The following RBFOX1 variants were observed in gnomAD, a reference collection of about 807,000 sequenced individuals.
RBFOX1 encodes the protein RNA binding protein fox-1 homolog 1.
RBFOX1 carries 8 observed loss-of-function variants against 57.7 expected under a neutral mutation model. The ratio of observed to expected loss-of-function variants is 0.14; its 90% CI spans 0.08 to 0.25. RBFOX1 has a LOEUF of 0.25. Among genes scored for constraint, RBFOX1 ranks in the 10% least tolerant of loss-of-function variants. The pLI is 1.00. For synonymous variants in RBFOX1, 326 were observed against 222.4 expected, an observed-to-expected ratio of 1.47 and a Z score of -4.15; for missense variants, 611 against 548.5, an observed-to-expected ratio of 1.11 and a Z score of -1.14.
intron 4 of RBFOX1, among the ~76,000 whole-genome samples, chr16:5,930,400 G>T (rs909392382): frequency 7.7e-6 from 1 of 129,410 alleles, no homozygotes; most frequent in Non-Finnish European, 1.6e-5. Flanking sequence ...ATGCATGGTT[G>T]GGTAGGTGGG....
intron 3 of RBFOX1, among the ~76,000 whole-genome samples, chr16:6,875,850 T>C (rs73540691): frequency 0.08 from 12,184 of 151,932 alleles, 1,645 homozygotes; most frequent in African/African-American, 0.27. Context: ...ACAAAAAAAT[T>C]AGCCAGTCAT....
chr16:5,252,088 C>T (rs2062467062), intron 1 of RBFOX1, among the ~76,000 whole-genome samples: 1 of 152,176 alleles, frequency 6.6e-6, no homozygotes, highest in Non-Finnish European at 1.5e-5. Context: ...CCTCCAAGCC[C>T]AGCTTAGACC....
At chr16:7,291,138 C>G (rs903804615) in intron 4 of RBFOX1, among the ~76,000 whole-genome samples, 4 of 152,120 alleles carry the variant, frequency 2.6e-5, no homozygotes, top group Admixed American at 1.3e-4. Flanking sequence ...TGACCAGTAT[C>G]TGGACAGAGG....
At chr16:5,311,378 C>A (rs1349273659) in intron 1 of RBFOX1, among the ~76,000 whole-genome samples, 2 of 152,184 alleles carry the variant, frequency 1.3e-5, no homozygotes, top group African/African-American at 4.8e-5. Flanking sequence ...ATGCAGGTGT[C>A]TTCTTGCTAT....
intron 4 of RBFOX1, among the ~76,000 whole-genome samples, chr16:7,322,889 T>C (rs1461076390): frequency 6.6e-6 from 1 of 152,164 alleles, no homozygotes; most frequent in African/African-American, 2.4e-5. Flanking sequence ...TGGTGTTCCC[T>C]GGTGATTAGC....
intron 2 of RBFOX1, among the ~76,000 whole-genome samples, chr16:6,333,134 G>A (rs1015344712): frequency 2.0e-5 from 3 of 151,980 alleles, no homozygotes; most frequent in Non-Finnish European, 4.4e-5. Context: ...CTGTCTCCCG[G>A]GCTCAAGCAA....
At chr16:7,564,452 A>C (rs573190364) in intron 5 of RBFOX1, among the ~76,000 whole-genome samples, 2 of 144,180 alleles carry the variant, frequency 1.4e-5, no homozygotes, top group East Asian at 2.4e-4. Flanking sequence ...GAGGCAGGGG[A>C]ATTGCTTGAT....
At chr16:7,132,353 C>A in intron 4 of RBFOX1, among the ~76,000 whole-genome samples, 1 of 151,560 alleles carries the variant, frequency 6.6e-6, no homozygotes. Flanking sequence ...TTCACTGCAG[C>A]ATTATTTATA....
intron 4 of RBFOX1, among the ~76,000 whole-genome samples, chr16:7,301,713 G>A (rs183791602): frequency 5.3e-5 from 8 of 152,132 alleles, no homozygotes; most frequent in African/African-American, 1.7e-4. Context: ...CTCTTCTTGG[G>A]TTATTTACAG....
At chr16:6,073,792 T>A (rs1567389490) in intron 1 of RBFOX1, among the ~76,000 whole-genome samples, 2 of 147,690 alleles carry the variant, frequency 1.4e-5, no homozygotes, top group African/African-American at 5.3e-5. Context: ...AAGGTATATA[T>A]TTTTTTTATT....
chr16:7,012,175 C>A (rs1421545432), intron 3 of RBFOX1, among the ~76,000 whole-genome samples: 3 of 152,112 alleles, frequency 2.0e-5, no homozygotes, highest in Admixed American at 2.0e-4. Context: ...ATTTATTGAC[C>A]ATCACTGAAT....
At chr16:6,411,202 T>C (rs1308702042) in intron 2 of RBFOX1, among the ~76,000 whole-genome samples, 1 of 152,190 alleles carries the variant, frequency 6.6e-6, no homozygotes, top group Non-Finnish European at 1.5e-5. Flanking sequence ...AAGTTGGTCT[T>C]GAACCCCTGG....
chr16:7,096,604 C>G (rs189469293), intron 4 of RBFOX1, among the ~76,000 whole-genome samples: 10 of 152,058 alleles, frequency 6.6e-5, no homozygotes, highest in African/African-American at 2.4e-4. Context: ...AAAATATTTG[C>G]TGTTTGGATC....
At chr16:5,663,104 G>T (rs2049711830) in intron 3 of RBFOX1, among the ~76,000 whole-genome samples, 1 of 152,146 alleles carries the variant, frequency 6.6e-6, no homozygotes, top group South Asian at 2.1e-4. Flanking sequence ...ATAGGCCAGG[G>T]ATACTGCTAA....
At chr16:6,775,450 C>A (rs550535914) in intron 3 of RBFOX1, among the ~76,000 whole-genome samples, 92 of 146,532 alleles carry the variant, frequency 6.3e-4, no homozygotes, top group Non-Finnish European at 7.3e-4. Context: ...TCTTGTCTTG[C>A]CTAATCCCAA....
intron 3 of RBFOX1, among the ~76,000 whole-genome samples, chr16:6,699,189 C>T (rs1181706313): frequency 6.6e-6 from 1 of 152,110 alleles, no homozygotes; most frequent in Non-Finnish European, 1.5e-5. Flanking sequence ...CCATTTTTAT[C>T]AGTATGCAAG....
At chr16:6,003,597 A>G (rs867004152) in intron 4 of RBFOX1, among the ~76,000 whole-genome samples, 1 of 152,086 alleles carries the variant, frequency 6.6e-6, no homozygotes, top group Admixed American at 6.5e-5. Context: ...ATACAGCGAC[A>G]GCTTCCTGAT....
At chr16:7,412,919 G>T (rs553932268) in intron 4 of RBFOX1, among the ~76,000 whole-genome samples, 1 of 152,152 alleles carries the variant, frequency 6.6e-6, no homozygotes, top group Non-Finnish European at 1.5e-5. Context: ...GTGGGCGCCT[G>T]CAGTCCCAGC....
At chr16:6,103,683 C>CT (rs1305199151) in intron 1 of RBFOX1, among the ~76,000 whole-genome samples, 1 of 152,112 alleles carries the variant, frequency 6.6e-6, no homozygotes, top group African/African-American at 2.4e-5. Context: ...AGCTAAGGAT[C>CT]TGGGGGTGGG....
Sources: gnomAD v4.1 joint callset for allele counts (sites outside exome capture counted in the v4.1 genomes callset) on GRCh38, gnomAD v4.1.1 for gene constraint, MANE v1.5 for transcripts, NCBI Gene and HGNC (gene_info 2026-07-23, HGNC 2026-07-21) for gene names.